Variants in PRMT3 observed in about 807,000 individuals in gnomAD.
PRMT3 encodes protein arginine N-methyltransferase 3.
A neutral mutation model predicts 71.9 loss-of-function variants in PRMT3; 62 were observed. The ratio of observed to expected loss-of-function variants is 0.86; its 90% confidence interval spans 0.70 to 1.07. The LOEUF is 1.07. Ranked by LOEUF, PRMT3 falls within the 50% of genes least tolerant of loss-of-function variation. The probability of loss-of-function intolerance (pLI) is 0.00; values close to 1 mark genes in which losing one functional copy is unlikely to be tolerated. For synonymous variants in PRMT3, 213 were observed against 220.4 expected, an observed-to-expected ratio of 0.97 and a Z score of 0.30; for missense variants, 663 against 643.0, an observed-to-expected ratio of 1.03 and a Z score of -0.34.
intron 3 of PRMT3, among the ~76,000 whole-genome samples, chr11:20,391,616 T>TA (rs1208744126): frequency 1.3e-5 from 2 of 152,330 alleles, no homozygotes; most frequent in African/African-American, 4.8e-5. Context: ...GTTTTTTTTT[T>TA]ACTTACCGAT....
At chr11:20,413,763 G>A (rs142927222) in intron 9 of PRMT3, among the ~76,000 whole-genome samples, 177 of 152,154 alleles carry the variant, frequency 1.2e-3, no homozygotes, top group African/African-American at 4.0e-3. Flanking sequence ...GTCGTACTCT[G>A]TACTCACTTG....
At chr11:20,457,184 T>C (rs1433662070) in intron 11 of PRMT3, among the ~76,000 whole-genome samples, 2 of 152,194 alleles carry the variant, frequency 1.3e-5, no homozygotes, top group Non-Finnish European at 2.9e-5. Context: ...CAGAGCAAAA[T>C]AAGCTTAAAT....
intron 9 of PRMT3, among the ~76,000 whole-genome samples, chr11:20,416,055 C>T (rs1849297864): frequency 6.6e-6 from 1 of 152,158 alleles, no homozygotes; most frequent in African/African-American, 2.4e-5. Context: ...AAATGTGTCT[C>T]TCATCTATCC....
chr11:20,461,890 G>T, intron 11 of PRMT3, 90 bp from the exon 12 acceptor site: 1 of 1,156,726 alleles, frequency 8.6e-7, no homozygotes, highest in South Asian at 2.5e-5. Context: ...CCTTACTGAT[G>T]GATTTGATAT....
chr11:20,477,550 C>A (rs957309792), intron 13 of PRMT3, among the ~76,000 whole-genome samples: 7 of 141,894 alleles, frequency 4.9e-5, no homozygotes, highest in Admixed American at 2.7e-4. Context: ...AGCAAGATTC[C>A]GTCTCAAAAA....
intron 9 of PRMT3, among the ~76,000 whole-genome samples, chr11:20,409,688 C>CACACAA (rs1849153560): frequency 6.7e-6 from 1 of 150,016 alleles, no homozygotes; most frequent in Non-Finnish European, 1.5e-5. Context: ...CACACACACA[C>CACACAA]ACACGTTGCA....
intron 10 of PRMT3, among the ~76,000 whole-genome samples, chr11:20,443,560 G>A (rs916975647): frequency 6.6e-6 from 1 of 152,096 alleles, no homozygotes; most frequent in Non-Finnish European, 1.5e-5. Context: ...TTTAATAATT[G>A]TAATAGATAT....
intron 13 of PRMT3, among the ~76,000 whole-genome samples, chr11:20,465,733 G>C (rs879373283): frequency 6.6e-6 from 1 of 151,918 alleles, no homozygotes; most frequent in East Asian, 1.9e-4. Flanking sequence ...ATAAAGATTT[G>C]TGACTTTGGA....
intron 12 of PRMT3, among the ~76,000 whole-genome samples, chr11:20,463,755 G>A (rs1410607076): frequency 6.6e-6 from 1 of 152,180 alleles, no homozygotes; most frequent in Non-Finnish European, 1.5e-5. Flanking sequence ...CTACTCAGCT[G>A]ATGACGGTCT....
intron 10 of PRMT3, among the ~76,000 whole-genome samples, chr11:20,438,635 G>A (rs1254250559): frequency 6.6e-6 from 1 of 152,102 alleles, no homozygotes; most frequent in Non-Finnish European, 1.5e-5. Flanking sequence ...GCTTAGCTTA[G>A]CCAGGTCACT....
intron 13 of PRMT3, among the ~76,000 whole-genome samples, chr11:20,466,142 A>C (rs1318870237): frequency 3.9e-5 from 6 of 152,120 alleles, no homozygotes; most frequent in Admixed American, 1.3e-4. Context: ...CTTTTTTTCT[A>C]GTTTATTGGT....
intron 13 of PRMT3, among the ~76,000 whole-genome samples, chr11:20,478,613 C>CAAG (rs1054252207): frequency 2.0e-5 from 3 of 151,000 alleles, no homozygotes; most frequent in African/African-American, 7.3e-5. Context: ...GGAATCAAAA[C>CAAG]AAGTCTTTCA....
intron 15 of PRMT3, among the ~76,000 whole-genome samples, chr11:20,505,478 C>T (rs1241137022): frequency 6.6e-6 from 1 of 152,102 alleles, no homozygotes; most frequent in African/African-American, 2.4e-5. Context: ...TTGTAAAAAT[C>T]AAGTTTGTTG....
At chr11:20,505,837 G>T in intron 15 of PRMT3, among the ~76,000 whole-genome samples, 1 of 147,190 alleles carries the variant, frequency 6.8e-6, no homozygotes, top group Non-Finnish European at 1.5e-5. Flanking sequence ...CATATCAATT[G>T]TGTTTATAAA....
chr11:20,422,288 C>CT (rs1178441762), intron 9 of PRMT3, among the ~76,000 whole-genome samples: 14 of 148,454 alleles, frequency 9.4e-5, no homozygotes, highest in South Asian at 2.1e-4. Context: ...AAAACAGTTT[C>CT]TTTTTTTTTT....
rs137873630 is a variant in PRMT3 at position 20,422,627 on chromosome 11, C to T, written c.894-4139C>T. ...TTCCTACCGAGGTTAGGTAGGCAAA[C>T]ATCCTAGGATTCAATCCTCTGCCAG... On this transcript the variant is annotated intron_variant, in intron 9 of 15. Transcript: ENST00000331079. Among the ~76,000 whole-genome samples the T allele has an allele frequency of 7.9e-5, 12 of 152,256 alleles. No individual in the cohort carries two copies. The East Asian group carries it at 2.3e-3, about 29-fold the overall frequency.
chr11:20,422,401 A>G (rs1224849889), intron 9 of PRMT3, among the ~76,000 whole-genome samples: 3 of 151,946 alleles, frequency 2.0e-5, no homozygotes, highest in Admixed American at 2.0e-4. Flanking sequence ...TTTCCTGTTG[A>G]ATACTTCATT....
intron 13 of PRMT3, among the ~76,000 whole-genome samples, chr11:20,485,384 T>C (rs1851046727): frequency 6.6e-6 from 1 of 151,884 alleles, no homozygotes; most frequent in South Asian, 2.1e-4. Flanking sequence ...CAGTAGACAA[T>C]AAAAACAGAG....
chr11:20,412,329 T>A (rs1394059880), intron 9 of PRMT3, among the ~76,000 whole-genome samples: 1 of 152,076 alleles, frequency 6.6e-6, no homozygotes, highest in African/African-American at 2.4e-5. Flanking sequence ...GTTCACCAGA[T>A]CCATTTTGCA....
Sources: gnomAD v4.1 joint callset for allele counts (sites outside exome capture counted in the v4.1 genomes callset) on GRCh38, gnomAD v4.1.1 for gene constraint, MANE v1.5 for transcripts, NCBI Gene and HGNC (gene_info 2026-07-23, HGNC 2026-07-21) for gene names.